The following WDPCP variants were observed in gnomAD, a reference collection of about 807,000 sequenced individuals.
WDPCP encodes WD repeat-containing and planar cell polarity effector protein fritz homolog.
A neutral mutation model predicts 93.1 loss-of-function variants in WDPCP; 71 were observed. The ratio of observed to expected loss-of-function variants is 0.76; its 90% confidence interval spans 0.63 to 0.93. WDPCP has a LOEUF of 0.93. Among genes scored for constraint, WDPCP ranks in the 40% least tolerant of loss-of-function variants. The pLI is 0.00. For synonymous variants in WDPCP, 315 were observed against 315.0 expected, an observed-to-expected ratio of 1.00 and a Z score of 0.00; for missense variants, 844 against 887.4, an observed-to-expected ratio of 0.95 and a Z score of 0.62.
chr2:63,569,427 G>C (rs1707313560), intron 1 of WDPCP, among the ~76,000 whole-genome samples: 1 of 152,022 alleles, frequency 6.6e-6, no homozygotes, highest in African/African-American at 2.4e-5. Context: ...CCTTATATAT[G>C]TTATGTGTTG....
At chr2:63,719,154 G>C (rs58495096) in intron 2 of WDPCP, among the ~76,000 whole-genome samples, 8,036 of 152,258 alleles carry the variant, frequency 0.053, 386 homozygotes, top group African/African-American at 0.12. Flanking sequence ...AGGGACCAAA[G>C]AACTAGCAAG....
intron 1 of WDPCP, among the ~76,000 whole-genome samples, chr2:63,573,932 C>A (rs1053614070): frequency 6.6e-6 from 1 of 152,150 alleles, no homozygotes; most frequent in African/African-American, 2.4e-5. Flanking sequence ...GCCCCAGTCT[C>A]CCGTAGCACT....
intron 2 of WDPCP, among the ~76,000 whole-genome samples, chr2:63,682,740 G>T (rs1384379704): frequency 2.0e-5 from 3 of 151,740 alleles, no homozygotes; most frequent in Admixed American, 6.6e-5. Context: ...AAAGATCAAA[G>T]ATAAATAAGG....
At chr2:63,556,804 AC>A (rs1461236324) in intron 1 of WDPCP, among the ~76,000 whole-genome samples, 2 of 152,246 alleles carry the variant, frequency 1.3e-5, no homozygotes, top group South Asian at 2.1e-4. Flanking sequence ...AGCCCATCAG[AC>A]TAACAGCAGA....
chr2:63,595,285 ACCT>A (rs1709285541), intron 3 of WDPCP: 1 of 695,180 alleles, frequency 1.4e-6, no homozygotes, highest in East Asian at 2.7e-5. Context: ...TAGATACCTG[ACCT>A]CCTAAAATAA....
intron 3 of WDPCP, among the ~76,000 whole-genome samples, chr2:63,624,962 T>A: frequency 6.6e-6 from 1 of 152,096 alleles, no homozygotes; most frequent in East Asian, 1.9e-4. Context: ...CAGCAGCACA[T>A]CAAAAGGCTG....
intron 3 of WDPCP, among the ~76,000 whole-genome samples, chr2:63,641,911 A>T (rs262475): frequency 0.79 from 120,394 of 152,158 alleles, 48,118 homozygotes; most frequent in East Asian, 0.98. Flanking sequence ...TTTTTAGTAG[A>T]TTCATAGTTT....
chr2:63,805,585 TG>T (rs1670752480), intron 2 of WDPCP, among the ~76,000 whole-genome samples: 1 of 151,962 alleles, frequency 6.6e-6, no homozygotes, highest in African/African-American at 2.4e-5. Flanking sequence ...ACCAACCAGG[TG>T]GAATAAGAGG....
chr2:63,174,221 T>TTATC (rs1280102183), intron 15 of WDPCP, among the ~76,000 whole-genome samples: 1 of 152,164 alleles, frequency 6.6e-6, no homozygotes, highest in African/African-American at 2.4e-5. Context: ...TATTTATTCT[T>TTATC]TATCTTCTCA....
At chr2:63,733,183 A>ATT (rs70965141) in intron 2 of WDPCP, among the ~76,000 whole-genome samples, 3,070 of 94,932 alleles carry the variant, frequency 0.032, 173 homozygotes, top group African/African-American at 0.049. Flanking sequence ...CAAATAAATG[A>ATT]TTTTTTTTTT....
intron 3 of WDPCP, among the ~76,000 whole-genome samples, chr2:63,603,612 A>G (rs1169594993): frequency 6.6e-6 from 1 of 152,114 alleles, no homozygotes; most frequent in Non-Finnish European, 1.5e-5. Flanking sequence ...TTATCAGACA[A>G]ATAACAAGCA....
At chr2:63,123,408 C>T (rs995341265) in intron 17 of WDPCP, among the ~76,000 whole-genome samples, 3 of 152,174 alleles carry the variant, frequency 2.0e-5, no homozygotes, top group African/African-American at 7.2e-5. Context: ...AGCCATGTTG[C>T]TGTTGTTATG....
At chr2:63,333,850 ATATTT>A (rs1212694255) in intron 12 of WDPCP, among the ~76,000 whole-genome samples, 6 of 152,188 alleles carry the variant, frequency 3.9e-5, no homozygotes, top group African/African-American at 7.2e-5. Context: ...ATCTCTTAAA[ATATTT>A]TACAGAGTTT....
At chr2:63,381,079 T>G (rs1176668485) in intron 11 of WDPCP, among the ~76,000 whole-genome samples, 1 of 152,118 alleles carries the variant, frequency 6.6e-6, no homozygotes, top group African/African-American at 2.4e-5. Flanking sequence ...TAGGGACAGT[T>G]TCTCATTCAC....
At chr2:63,542,927 T>C (rs1275688988) in intron 1 of WDPCP, among the ~76,000 whole-genome samples, 1 of 152,090 alleles carries the variant, frequency 6.6e-6, no homozygotes, top group East Asian at 1.9e-4. Context: ...AACTTGAACA[T>C]ATTCTGAAAT....
chr2:63,626,238 G>T (rs1709808923), intron 3 of WDPCP, among the ~76,000 whole-genome samples: 1 of 152,254 alleles, frequency 6.6e-6, no homozygotes, highest in African/African-American at 2.4e-5. Flanking sequence ...AAAAACCCTG[G>T]AAGAAAACCT....
chr2:63,666,879 T>C (rs1263541108), intron 2 of WDPCP, among the ~76,000 whole-genome samples: 2 of 152,168 alleles, frequency 1.3e-5, no homozygotes, highest in Admixed American at 6.5e-5. Flanking sequence ...TGGAACCTTG[T>C]CAAATTTCCC....
intron 1 of WDPCP, among the ~76,000 whole-genome samples, chr2:63,585,974 A>C (rs764310833): frequency 1.2e-4 from 18 of 151,864 alleles, no homozygotes; most frequent in Non-Finnish European, 2.2e-4. Context: ...CTACAGGTGC[A>C]CAACACCACA....
chr2:63,122,836 G>A (rs1669638715), intron 17 of WDPCP, among the ~76,000 whole-genome samples: 1 of 152,114 alleles, frequency 6.6e-6, no homozygotes, highest in African/African-American at 2.4e-5. Context: ...TTTACTTAAA[G>A]TATAGGTGAA....
Sources: gnomAD v4.1 joint callset for allele counts (sites outside exome capture counted in the v4.1 genomes callset) on GRCh38, gnomAD v4.1.1 for gene constraint, MANE v1.5 for transcripts, NCBI Gene and HGNC (gene_info 2026-07-23, HGNC 2026-07-21) for gene names.